PDE8B: variants seen among roughly 807,000 people sequenced by gnomAD.
The protein encoded by PDE8B is high affinity cAMP-specific and IBMX-insensitive 3',5'-cyclic phosphodiesterase 8B.
In PDE8B, 26 loss-of-function variants were observed where a neutral mutation model predicts 101.3. That is an observed-to-expected ratio of 0.26 (90% CI 0.19 to 0.36). The LOEUF is 0.36. Ranked by LOEUF, PDE8B falls within the 10% of genes least tolerant of loss-of-function variation. PDE8B has a pLI of 1.00. For synonymous variants in PDE8B, 424 were observed against 429.3 expected (o/e 0.99, Z 0.15); for missense variants, 810 against 1,163.1 (o/e 0.70, Z 4.42).
chr5:77,149,788 G>A, the PDE8B span, among the ~76,000 whole-genome samples: 3 of 152,064 alleles, frequency 2.0e-5, no homozygotes, highest in African/African-American at 7.2e-5. Flanking sequence ...GCAAGATTAT[G>A]CCATCTGCAA....
intron 17 of PDE8B, among the ~76,000 whole-genome samples, chr5:77,417,519 AT>A (rs1274629341): frequency 6.6e-6 from 1 of 152,226 alleles, no homozygotes; most frequent in Non-Finnish European, 1.5e-5. Context: ...CATCTCTTAT[AT>A]AACAGTAGCC....
chr5:77,093,586 C>T, the PDE8B span, among the ~76,000 whole-genome samples: 1 of 152,128 alleles, frequency 6.6e-6, no homozygotes, highest in Non-Finnish European at 1.5e-5. Flanking sequence ...TGTGAGCTGA[C>T]CCAGTTGAGA....
At chr5:77,376,360 C>T (rs971329428) in intron 10 of PDE8B, among the ~76,000 whole-genome samples, 7 of 152,188 alleles carry the variant, frequency 4.6e-5, no homozygotes, top group Middle Eastern at 3.2e-3. Flanking sequence ...TGAACTAGTT[C>T]GCTGAGAGCC....
chr5:77,292,267 T>A (rs1767539080), intron 1 of PDE8B, among the ~76,000 whole-genome samples: 1 of 152,202 alleles, frequency 6.6e-6, no homozygotes, highest in African/African-American at 2.4e-5. Flanking sequence ...GGAGTTGGCA[T>A]CTGTCTCCTA....
chr5:77,419,044 T>A (rs765928361), intron 18 of PDE8B, among the ~76,000 whole-genome samples: 1 of 152,226 alleles, frequency 6.6e-6, no homozygotes, highest in African/African-American at 2.4e-5. Flanking sequence ...GCCTCAGGAA[T>A]GCTGGTCTAT....
At chr5:77,092,802 C>A in the PDE8B span, among the ~76,000 whole-genome samples, 1 of 152,220 alleles carries the variant, frequency 6.6e-6, no homozygotes, top group East Asian at 1.9e-4. Flanking sequence ...CATCTGTGGT[C>A]CCAGCTACTC....
chr5:77,172,447 T>G, the PDE8B span, among the ~76,000 whole-genome samples: 14 of 152,228 alleles, frequency 9.2e-5, no homozygotes, highest in Non-Finnish European at 1.6e-4. Context: ...TTAATTCTGC[T>G]TCTAGTAACT....
the PDE8B span, among the ~76,000 whole-genome samples, chr5:77,090,753 G>A: frequency 2.7e-5 from 4 of 145,568 alleles, no homozygotes; most frequent in African/African-American, 5.4e-5. Context: ...AATAATATCC[G>A]TGTGTGTGTG....
At chr5:77,259,580 C>G (rs1055417543) in intron 1 of PDE8B, among the ~76,000 whole-genome samples, 1 of 152,194 alleles carries the variant, frequency 6.6e-6, no homozygotes, top group Non-Finnish European at 1.5e-5. Context: ...TGCTACTGCC[C>G]TCACTTGGAA....
chr5:77,425,074 G>A (rs956704923), intron 20 of PDE8B, among the ~76,000 whole-genome samples: 2 of 152,162 alleles, frequency 1.3e-5, no homozygotes, highest in Non-Finnish European at 2.9e-5. Flanking sequence ...AGTTCATTGA[G>A]TCATGCTAAG....
chr5:77,294,050 T>A (rs1482687998), intron 1 of PDE8B, among the ~76,000 whole-genome samples: 1 of 152,214 alleles, frequency 6.6e-6, no homozygotes, highest in African/African-American at 2.4e-5. Context: ...TTAATGTTAA[T>A]ATAATCCAAT....
At chr5:77,205,024 G>T in the PDE8B span, among the ~76,000 whole-genome samples, 3 of 152,316 alleles carry the variant, frequency 2.0e-5, no homozygotes, top group South Asian at 2.1e-4. Context: ...GGGGTCCAAA[G>T]TTCTGGAGGT....
At chr5:77,159,316 C>T in the PDE8B span, among the ~76,000 whole-genome samples, 5 of 152,170 alleles carry the variant, frequency 3.3e-5, no homozygotes, top group Admixed American at 6.5e-5. Context: ...CGGTGGGCTG[C>T]GGGAGGCAGA....
At chr5:77,222,975 T>TA (rs1192068043) in intron 1 of PDE8B, among the ~76,000 whole-genome samples, 1 of 152,158 alleles carries the variant, frequency 6.6e-6, no homozygotes, top group African/African-American at 2.4e-5. Flanking sequence ...TCTTGGGTGT[T>TA]ATGGTTCAGA....
the PDE8B span, among the ~76,000 whole-genome samples, chr5:77,096,209 G>A: frequency 6.6e-6 from 1 of 152,132 alleles, no homozygotes; most frequent in Admixed American, 6.5e-5. Flanking sequence ...GGCTGGTCTT[G>A]AACTTCTGAC....
chr5:77,229,998 T>G (rs775752894), intron 1 of PDE8B, among the ~76,000 whole-genome samples: 1 of 152,212 alleles, frequency 6.6e-6, no homozygotes, highest in Non-Finnish European at 1.5e-5. Context: ...TGTGTTTAAC[T>G]GAGGAACCAC....
At chr5:77,167,401 A>G in the PDE8B span, among the ~76,000 whole-genome samples, 1 of 152,218 alleles carries the variant, frequency 6.6e-6, no homozygotes, top group Non-Finnish European at 1.5e-5. Flanking sequence ...ATTTACAAAG[A>G]AAGAACCTGT....
At chr5:77,184,486 A>G in the PDE8B span, among the ~76,000 whole-genome samples, 5 of 152,230 alleles carry the variant, frequency 3.3e-5, no homozygotes, top group African/African-American at 1.2e-4. Flanking sequence ...GTGCAGTTAG[A>G]GGTCACACAA....
At chr5:77,157,359 G>A in the PDE8B span, among the ~76,000 whole-genome samples, 1 of 152,232 alleles carries the variant, frequency 6.6e-6, no homozygotes, top group African/African-American at 2.4e-5. Flanking sequence ...ACACCGGAGT[G>A]TGGGGACCCA....
Sources: allele counts gnomAD v4.1 joint callset (sites outside exome capture counted in the v4.1 genomes callset), GRCh38; gene constraint gnomAD v4.1.1; transcripts MANE v1.5; gene names NCBI Gene and HGNC (gene_info 2026-07-23, HGNC 2026-07-21).